Variants in SEC61A2 observed in about 807,000 individuals in gnomAD.
The protein encoded by SEC61A2 is protein transport protein Sec61 subunit alpha isoform 2.
In SEC61A2, 28 loss-of-function variants were observed where a neutral mutation model predicts 59.9. That is an observed-to-expected ratio of 0.47 (90% CI 0.35 to 0.64). The LOEUF (loss-of-function observed/expected upper bound fraction) is 0.64. SEC61A2 is among the 30% of genes least tolerant of loss of function. The pLI is 0.01. For synonymous variants in SEC61A2, 202 were observed against 214.4 expected, an observed-to-expected ratio of 0.94 and a Z score of 0.50; for missense variants, 340 against 585.9, an observed-to-expected ratio of 0.58 and a Z score of 4.33.
chr10:12,169,389 CAGAG>C (rs1834798218), downstream of SEC61A2: 1 of 1,108,642 alleles, frequency 9.0e-7, no homozygotes, highest in South Asian at 1.5e-5. This position sits in a 1 kb window ranked among gnomAD's most constrained non-coding sequence, Gnocchi z 4.8. Flanking sequence ...CGCACCTCCT[CAGAG>C]GGAGGGGCTG....
Position 12,156,896 on chromosome 10 carries a change from T to G in SEC61A2, c.617-11T>G. On this transcript the variant is annotated splice_polypyrimidine_tract_variant and intron_variant, in intron 7 of 11. Transcript: ENST00000298428. The surrounding 1 kb of genome is among the most constrained non-coding windows in gnomAD (Gnocchi z 5.2). ...ATGAGTCCACAGGTCGTGTCTGTCT[T>G]GATTTTACAGGTACTGAGTTTGAGG... 1.2e-6 allele frequency: 2 copies of G among 1,613,048 alleles called. No homozygotes were observed. Among genetic ancestry groups the G allele is most frequent in the East Asian group, 2.2e-5 (1 of 44,872 alleles).
rs955167739 is a variant in SEC61A2, at chr10:12,152,434, G to T, written c.462+2473G>T. ...TTATTTGGAAGCTTTCTGATCCCCAGTGTGTTCGCATTTGGTAGAAGATAC... is the reference window on the plus strand; with the variant it reads ...TTATTTGGAAGCTTTCTGATCCCCATTGTGTTCGCATTTGGTAGAAGATAC... On this transcript the variant is annotated intron_variant, in intron 6 of 11. Coordinates refer to ENST00000298428, the MANE Select transcript of SEC61A2 (RefSeq NM_018144.4). The surrounding 1 kb of genome is among the most constrained non-coding windows in gnomAD (Gnocchi z 5.5). 6.6e-6 allele frequency among the ~76,000 whole-genome samples: 1 copy of T among 152,152 alleles called. No homozygotes were observed. Among genetic ancestry groups the T allele is most frequent in the African/African-American group, 2.4e-5 (1 of 41,448 alleles).
At position 12,152,932 on chromosome 10, in the gene SEC61A2, G is replaced by A. The variant is rs577594037; in HGVS notation, c.463-2846G>A. ...AAATTAGCCAGGCGTGGCGGTGTGT[G>A]CCTGTAATCCCAGCTACTAAGGAGG... On this transcript the variant is annotated intron_variant, in intron 6 of 11. Coordinates refer to ENST00000298428, the MANE Select transcript of SEC61A2 (RefSeq NM_018144.4). The surrounding 1 kb of genome is among the most constrained non-coding windows in gnomAD (Gnocchi z 5.5). Among the ~76,000 whole-genome samples, 304 of 151,902 alleles carry A rather than the reference G, an allele frequency of 2.0e-3. 2 individuals carry two copies. Among genetic ancestry groups the A allele is most frequent in the African/African-American group, 6.9e-3 (287 of 41,416 alleles).
rs1260231702 is a variant in SEC61A2 at position 12,164,513 on chromosome 10, T to C, written c.*59T>C. ...GGAAAACACTTTGACGGATCGTTTT[T>C]GTCAGATGACACTGGTGGCTCCCCT... On this transcript the variant is annotated 3_prime_UTR_variant, in exon 12 of 12. Transcript: ENST00000298428. This position sits in a 1 kb window ranked among gnomAD's most constrained non-coding sequence, Gnocchi z 7.3. 3 of 1,565,386 alleles carry C rather than the reference T, an allele frequency of 1.9e-6. No homozygotes were observed. Among genetic ancestry groups the C allele is most frequent in the Non-Finnish European group, 2.6e-6 (3 of 1,156,040 alleles).
intron 8 of SEC61A2, among the ~76,000 whole-genome samples, chr10:12,157,325 A>G (rs1201228622): frequency 1.3e-5 from 2 of 151,862 alleles, no homozygotes; most frequent in African/African-American, 2.4e-5. Context: ...CTTTGTTAGC[A>G]TTGTCTTTTC....
intron 2 of SEC61A2, 61 bp from the exon 3 acceptor site, chr10:12,136,044 C>G (rs1051502407): frequency 1.9e-6 from 2 of 1,050,640 alleles, no homozygotes; most frequent in Non-Finnish European, 3.0e-6. Flanking sequence ...AACTCTGCTG[C>G]CCCCCAAAAA....
rs754844508 is a variant in SEC61A2 at position 12,161,812 on chromosome 10, C to T, written c.1168-401C>T. Among the ~76,000 whole-genome samples, 36 of 152,078 alleles carry T rather than the reference C, an allele frequency of 2.4e-4. No individual in the cohort carries two copies. The highest frequency in any genetic ancestry group is 4.9e-4 in the Non-Finnish European group (33 of 67,962). The stretch of plus-strand genomic sequence containing the variant: ...AATAAAACTTTGTTTTTGGAAAATT[C>T]ATATTTAATTGTCAAAACAGTAGTG... On this transcript the variant is annotated intron_variant, in intron 10 of 11. Coordinates refer to ENST00000298428, the MANE Select transcript of SEC61A2 (RefSeq NM_018144.4). The surrounding 1 kb of genome is among the most constrained non-coding windows in gnomAD (Gnocchi z 5.4).
intron 6 of SEC61A2, among the ~76,000 whole-genome samples, chr10:12,150,374 T>C (rs1404627556): frequency 6.6e-6 from 1 of 152,246 alleles, no homozygotes; most frequent in Non-Finnish European, 1.5e-5. Flanking sequence ...GTCAGCCTGT[T>C]CAGGTCATGC....
rs1431983113 is a variant in SEC61A2 at position 12,161,783 on chromosome 10, GTAAAA to G, written c.1168-424_1168-420del. On this transcript the variant is annotated intron_variant, in intron 10 of 11. Transcript: ENST00000298428. This position sits in a 1 kb window ranked among gnomAD's most constrained non-coding sequence, Gnocchi z 5.4. ...AGATAAATAAAAAATTTTTAAAAAAGTAAAATAAAACTTTGTTTTTGGAAAATTCA... is the reference window on the plus strand; with the variant it reads ...AGATAAATAAAAAATTTTTAAAAAAGTAAAACTTTGTTTTTGGAAAATTCA... Among the ~76,000 whole-genome samples the G allele has an allele frequency of 1.3e-5, 2 of 152,048 alleles. No homozygotes were observed. Among genetic ancestry groups the G allele is most frequent in the Non-Finnish European group, 2.9e-5 (2 of 68,002 alleles).
chr10:12,159,188 A>G (rs896149272), intron 9 of SEC61A2, among the ~76,000 whole-genome samples: 2 of 151,958 alleles, frequency 1.3e-5, no homozygotes, highest in Admixed American at 1.3e-4. Flanking sequence ...TGTGTTAGCC[A>G]GGATGGTCTC....
intron 1 of SEC61A2, among the ~76,000 whole-genome samples, chr10:12,130,979 C>T (rs1833720561): frequency 6.6e-6 from 1 of 152,142 alleles, no homozygotes; most frequent in African/African-American, 2.4e-5. Flanking sequence ...TCGAGACCAG[C>T]CTGGCCAACA....
downstream of SEC61A2, chr10:12,167,718 G>C (rs750377443): frequency 6.2e-6 from 10 of 1,613,904 alleles, no homozygotes; most frequent in Non-Finnish European, 8.5e-6. Context: ...TTTCAAGAAG[G>C]GCACTTCAAA....
At chr10:12,137,898 C>T (rs1379522582) in intron 3 of SEC61A2, among the ~76,000 whole-genome samples, 1 of 151,970 alleles carries the variant, frequency 6.6e-6, no homozygotes, top group Non-Finnish European at 1.5e-5. Flanking sequence ...CCCAGCTACT[C>T]GGGAGGCTGA....
At chr10:12,146,662 T>C (rs1011548365) in intron 4 of SEC61A2, among the ~76,000 whole-genome samples, 43 of 151,244 alleles carry the variant, frequency 2.8e-4, no homozygotes, top group African/African-American at 2.2e-4. Context: ...GGACTACAGG[T>C]GCCCGCCACC....
intron 2 of SEC61A2, among the ~76,000 whole-genome samples, chr10:12,134,833 G>A (rs191434253): frequency 1.6e-4 from 24 of 151,948 alleles, no homozygotes; most frequent in Admixed American, 1.4e-3. Flanking sequence ...CAGGAGAATC[G>A]CTTGAACCTG....
chr10:12,164,924 G>C lies in SEC61A2; in HGVS notation c.*470G>C, dbSNP rs2131686977. 1 of 979,552 alleles carries C rather than the reference G, an allele frequency of 1.0e-6. No individual in the cohort carries two copies. Among genetic ancestry groups the C allele is most frequent in the East Asian group, 1.1e-4 (1 of 8,764 alleles). 60.7% of individuals were successfully genotyped at this position (979,552 alleles called of 1,614,324 possible). On this transcript the variant is annotated 3_prime_UTR_variant, in exon 12 of 12. Transcript: ENST00000298428. This position sits in a 1 kb window ranked among gnomAD's most constrained non-coding sequence, Gnocchi z 7.3. ...ACTTTTTATACTTTTTTAACTCATG[G>C]TATCCCCACTCCCCACCCCCACCTC...
chr10:12,151,127 C>A (rs1246693438), intron 6 of SEC61A2, among the ~76,000 whole-genome samples: 1 of 150,894 alleles, frequency 6.6e-6, no homozygotes, highest in Non-Finnish European at 1.5e-5. Flanking sequence ...ATTGTACAAT[C>A]CTTAAAAACC....
chr10:12,169,021 C>T (rs540925500), downstream of SEC61A2, among the ~76,000 whole-genome samples: 27 of 152,148 alleles, frequency 1.8e-4, no homozygotes, highest in Non-Finnish European at 2.9e-4. The surrounding 1 kb of genome is among the most constrained non-coding windows in gnomAD (Gnocchi z 4.8). Context: ...CCTCGGCCTC[C>T]CAAAGTGCTG....
Position 12,164,125 on chromosome 10 carries a change from C to T in SEC61A2, c.1245-143C>T. ...TTCCCATGCCGTGCCCTGCACACCCCTCCACACTGCAGCCTGTTCCCTCTG... is the reference window on the plus strand; with the variant it reads ...TTCCCATGCCGTGCCCTGCACACCCTTCCACACTGCAGCCTGTTCCCTCTG... On this transcript the variant is annotated intron_variant, in intron 11 of 11. Coordinates refer to ENST00000298428, the MANE Select transcript of SEC61A2 (RefSeq NM_018144.4). This position sits in a 1 kb window ranked among gnomAD's most constrained non-coding sequence, Gnocchi z 7.3. 1.1e-6 allele frequency: 1 copy of T among 882,326 alleles called. No individual in the cohort carries two copies. Among genetic ancestry groups the T allele is most frequent in the South Asian group, 1.8e-5 (1 of 56,754 alleles). 54.7% of individuals were successfully genotyped at this position (882,326 alleles called of 1,614,324 possible).
Sources: allele counts gnomAD v4.1 joint callset (sites outside exome capture counted in the v4.1 genomes callset), GRCh38; gene constraint gnomAD v4.1.1; non-coding constraint Gnocchi (gnomAD v3.1); transcripts MANE v1.5; gene names NCBI Gene and HGNC (gene_info 2026-07-23, HGNC 2026-07-21).